Variants in KIAA2012 observed in about 807,000 individuals in gnomAD.
KIAA2012 encodes uncharacterized protein KIAA2012.
Under a neutral mutation model 150.6 loss-of-function variants are expected in KIAA2012, and 125 were observed. The observed-to-expected ratio is 0.83, with a 90% CI of 0.72 to 0.96. The LOEUF is 0.96. KIAA2012 is among the 40% of genes least tolerant of loss of function. The pLI is 0.00. For missense variants in KIAA2012, 1,219 were observed against 1,354.9 expected, an observed-to-expected ratio of 0.90 and a Z score of 1.57; for synonymous variants, 462 against 504.7, an observed-to-expected ratio of 0.92 and a Z score of 1.13.
chr2:202,181,599 A>T (rs1313731506), intron 15 of KIAA2012, among the ~76,000 whole-genome samples: 2 of 152,090 alleles, frequency 1.3e-5, no homozygotes, highest in African/African-American at 4.8e-5. Flanking sequence ...AAAAAAAAAA[A>T]TTAAGAATAT....
At chr2:202,201,662 G>A (rs201535529) in intron 22 of KIAA2012, 4 of 1,610,664 alleles carry the variant, frequency 2.5e-6, no homozygotes, top group Non-Finnish European at 3.4e-6. Flanking sequence ...CCACAGACTG[G>A]GCCATGGGAA....
Position 202,193,287 on chromosome 2 carries a change from C to T in KIAA2012, c.2812-14C>T. 6.5e-7 allele frequency: 1 copy of T among 1,548,626 alleles called. No individual in the cohort carries two copies. Among genetic ancestry groups the T allele is most frequent in the Non-Finnish European group, 8.7e-7 (1 of 1,146,694 alleles). Reference sequence around the variant, plus strand: ...CCATCTGTTTATTGCACTGAGAACACTCTGGTTTCTTAGGCCCTCCTCACT... The same window carrying T: ...CCATCTGTTTATTGCACTGAGAACATTCTGGTTTCTTAGGCCCTCCTCACT... On this transcript the variant is annotated splice_polypyrimidine_tract_variant and intron_variant, in intron 19 of 23. Transcript: ENST00000498697.
intron 1 of KIAA2012, among the ~76,000 whole-genome samples, chr2:202,074,535 T>G (rs1207734907): frequency 6.6e-6 from 1 of 152,204 alleles, no homozygotes; most frequent in African/African-American, 2.4e-5. Context: ...TGCCAGCTAG[T>G]CCAGGTCTAA....
At position 202,165,343 on chromosome 2, in the gene KIAA2012, C is replaced by T; in HGVS notation, c.2106C>T (p.His702=). ...EEAGRPLRET[H]HNDQDPEPRS... ...CAGGGAGACCCCTCAGAGAAACTCA[C>T]CACAACGACCAAGGTACAGACCACT... The change falls in exon 15 of 24, where the codon CAC becomes CAT. Residue 702 remains histidine (H), a synonymous_variant. Coordinates refer to ENST00000498697, the MANE Select transcript of KIAA2012 (RefSeq NM_001277372.4). The T allele has an allele frequency of 3.9e-6, 6 of 1,550,216 alleles. No homozygotes were observed. Among genetic ancestry groups the T allele is most frequent in the Non-Finnish European group, 5.2e-6 (6 of 1,146,740 alleles).
intron 15 of KIAA2012, among the ~76,000 whole-genome samples, chr2:202,180,979 A>T (rs1050185394): frequency 1.3e-5 from 2 of 151,998 alleles, no homozygotes; most frequent in African/African-American, 4.8e-5. Flanking sequence ...GCAATTAAAA[A>T]TTTTTTTTGA....
At chr2:202,081,531 T>G (rs1689451064) in intron 2 of KIAA2012, among the ~76,000 whole-genome samples, 1 of 150,854 alleles carries the variant, frequency 6.6e-6, no homozygotes, top group Non-Finnish European at 1.5e-5. Flanking sequence ...CTTTCTGTTT[T>G]CTTTTTAAAC....
At chr2:202,108,040 A>G (rs1317239149) in intron 9 of KIAA2012, among the ~76,000 whole-genome samples, 1 of 152,038 alleles carries the variant, frequency 6.6e-6, no homozygotes, top group Non-Finnish European at 1.5e-5. Flanking sequence ...AACAACAAAG[A>G]GGCAGTTTTT....
At chr2:202,136,097 G>A (rs752167448) in intron 12 of KIAA2012, 8 of 378,674 alleles carry the variant, frequency 2.1e-5, no homozygotes, top group African/African-American at 8.6e-5. Flanking sequence ...GCAGACCTTC[G>A]TGGTGAGTGT....
intron 10 of KIAA2012, among the ~76,000 whole-genome samples, chr2:202,112,929 G>A (rs1440008722): frequency 6.6e-6 from 1 of 152,196 alleles, no homozygotes; most frequent in East Asian, 1.9e-4. Flanking sequence ...GTACTGCACA[G>A]GACATCTGAT....
Position 202,100,403 on chromosome 2 carries a change from C to G in KIAA2012, c.1109C>G (p.Ala370Gly). Residue 370 changes from alanine (A) to glycine (G), a missense_variant, in exon 7 of 24, where the codon GCC becomes GGC. Transcript: ENST00000498697. ...ERSLFPPVASATGSRIITPGE... is the reference protein window; with the variant it reads ...ERSLFPPVASGTGSRIITPGE... The stretch of plus-strand genomic sequence containing the variant: ...AGCCTCTTCCCTCCTGTAGCATCTG[C>G]CACTGGCTCCAGAATAATCACCCCT... 1 of 1,550,554 alleles carries G rather than the reference C, an allele frequency of 6.4e-7. No individual in the cohort carries two copies. Among genetic ancestry groups the G allele is most frequent in the Non-Finnish European group, 8.7e-7 (1 of 1,146,982 alleles).
chr2:202,080,354 T>C lies in KIAA2012; in HGVS notation c.369+5179T>C, dbSNP rs577000789. Among the ~76,000 whole-genome samples, 51 of 152,324 alleles carry C rather than the reference T, an allele frequency of 3.3e-4. No homozygotes were observed. The Middle Eastern group carries it at 0.01, about 30-fold the overall frequency. On this transcript the variant is annotated intron_variant, in intron 2 of 23. Coordinates refer to ENST00000498697, the MANE Select transcript of KIAA2012 (RefSeq NM_001277372.4). ...TACACTCCTGTTTCTCTAGGTTTTA[T>C]GTACTTCATTCATTTGTTCCCTTGT... is the stretch of plus-strand genomic sequence containing the variant.
rs2105921358 is a variant in KIAA2012 at position 202,100,345 on chromosome 2, A to G, written c.1051A>G (p.Ser351Gly). ...CGTGAAACTCCACAAGGCCAGAAGC[A>G]GCCACTTGTTACAGGTGCTTCCTGC... The part of the protein sequence containing the change: ...RNVKLHKARS[S>G]HLLQVLPAER... Residue 351 changes from serine to glycine, a missense_variant, in exon 7 of 24, where the codon AGC becomes GGC. Physicochemically the swap from Ser to Gly is moderately conservative, Grantham distance 56. Coordinates refer to ENST00000498697, the MANE Select transcript of KIAA2012 (RefSeq NM_001277372.4). 6.4e-7 allele frequency: 1 copy of G among 1,550,614 alleles called. No individual in the cohort carries two copies. Among genetic ancestry groups the G allele is most frequent in the Non-Finnish European group, 8.7e-7 (1 of 1,146,982 alleles).
rs111721160 is a variant in KIAA2012, at chr2:202,159,701, G to A, written c.2046+4891G>A. The stretch of plus-strand genomic sequence containing the variant: ...ACTAAAAATATAAAAAATTAGCCGG[G>A]CATGGTAGCATGTGCCTGTAGTCCC... On this transcript the variant is annotated intron_variant, in intron 14 of 23. Coordinates refer to ENST00000498697, the MANE Select transcript of KIAA2012 (RefSeq NM_001277372.4). 4.4e-3 allele frequency among the ~76,000 whole-genome samples: 665 copies of A among 152,268 alleles called. 8 individuals are homozygous for A. The highest frequency in any genetic ancestry group is 0.015 in the African/African-American group (619 of 41,552).
chr2:202,142,042 A>G (rs1691207080), intron 13 of KIAA2012, among the ~76,000 whole-genome samples: 1 of 152,242 alleles, frequency 6.6e-6, no homozygotes, highest in African/African-American at 2.4e-5. Context: ...GGAGAAAAAT[A>G]AACAAAAGAC....
chr2:202,147,142 A>G (rs180848508), intron 13 of KIAA2012, among the ~76,000 whole-genome samples: 37 of 152,356 alleles, frequency 2.4e-4, no homozygotes, highest in African/African-American at 8.2e-4. Flanking sequence ...CAATGAGTCA[A>G]TCTACCAATT....
chr2:202,178,537 C>T (rs1692044476), intron 15 of KIAA2012: 2 of 152,188 alleles, frequency 1.3e-5, no homozygotes, highest in South Asian at 4.1e-4. Flanking sequence ...CAAATACGCC[C>T]TCTGCTGGTT....
chr2:202,158,500 G>A (rs76453562), intron 14 of KIAA2012, among the ~76,000 whole-genome samples: 3,118 of 152,184 alleles, frequency 0.02, 108 homozygotes, highest in African/African-American at 0.07. Flanking sequence ...TTTTCCATTT[G>A]TTGCATGTGA....
intron 2 of KIAA2012, among the ~76,000 whole-genome samples, chr2:202,088,514 A>G (rs902264462): frequency 6.6e-6 from 1 of 152,212 alleles, no homozygotes. Context: ...GCCTCTGCTC[A>G]GTCTCCACTG....
chr2:202,106,956 G>A (rs981932386), intron 9 of KIAA2012, among the ~76,000 whole-genome samples: 1 of 152,192 alleles, frequency 6.6e-6, no homozygotes, highest in Non-Finnish European at 1.5e-5. Flanking sequence ...ATAGGAAGAT[G>A]CACATTAATG....
Sources: gnomAD v4.1 joint callset for allele counts (sites outside exome capture counted in the v4.1 genomes callset) on GRCh38, gnomAD v4.1.1 for gene constraint, MANE v1.5 for transcripts, NCBI Gene and HGNC (gene_info 2026-07-23, HGNC 2026-07-21) for gene names.